SPATS2: variants seen among roughly 807,000 people sequenced by gnomAD.
The protein encoded by SPATS2 is spermatogenesis associated serine rich 2.
A neutral mutation model predicts 63.7 loss-of-function variants in SPATS2; 38 were observed. The ratio of observed to expected loss-of-function variants is 0.60; its 90% confidence interval spans 0.46 to 0.78. SPATS2 has a LOEUF of 0.78. Among genes scored for constraint, SPATS2 ranks in the 30% least tolerant of loss-of-function variants. The probability of loss-of-function intolerance (pLI) is 0.00; values close to 1 mark genes in which losing one functional copy is unlikely to be tolerated. For missense variants in SPATS2, 588 were observed against 666.2 expected (o/e 0.88, Z 1.29); for synonymous variants, 207 against 232.9 (o/e 0.89, Z 1.01).
chr12:49,367,848 A>G (rs1352267058), intron 1 of SPATS2, among the ~76,000 whole-genome samples: 1 of 148,858 alleles, frequency 6.7e-6, no homozygotes, highest in East Asian at 2.0e-4. Context: ...TGTGGGGGGG[A>G]CTCTGGCGTG....
intron 2 of SPATS2, among the ~76,000 whole-genome samples, chr12:49,394,766 A>C (rs1406041558): frequency 6.6e-6 from 1 of 152,148 alleles, no homozygotes; most frequent in Admixed American, 6.5e-5. Flanking sequence ...TGATCATGTC[A>C]TCTATGAATA....
intron 10 of SPATS2, among the ~76,000 whole-genome samples, chr12:49,518,591 C>T: frequency 6.6e-6 from 1 of 152,044 alleles, no homozygotes; most frequent in Non-Finnish European, 1.5e-5. Context: ...TGATATACTT[C>T]CATTTGTGAG....
chr12:49,381,909 A>G (rs983254599), intron 2 of SPATS2, among the ~76,000 whole-genome samples: 13 of 152,216 alleles, frequency 8.5e-5, no homozygotes, highest in African/African-American at 3.1e-4. Flanking sequence ...GTTTCATTAT[A>G]TCGTGATTTG....
At chr12:49,516,766 A>G (rs965147691) in intron 10 of SPATS2, among the ~76,000 whole-genome samples, 1 of 152,132 alleles carries the variant, frequency 6.6e-6, no homozygotes, top group Admixed American at 6.6e-5. Flanking sequence ...AATGTAACAA[A>G]TTCCCATCAC....
intron 4 of SPATS2, 100 bp downstream of exon 4, chr12:49,484,769 T>G (rs1234364309): frequency 9.8e-7 from 1 of 1,019,406 alleles, no homozygotes. Flanking sequence ...AGACTGAAAT[T>G]TTAAGAATAA....
At chr12:49,498,958 G>C (rs1157149825) in intron 8 of SPATS2, among the ~76,000 whole-genome samples, 1 of 151,900 alleles carries the variant, frequency 6.6e-6, no homozygotes, top group African/African-American at 2.4e-5. Flanking sequence ...AGCTAATTTT[G>C]TATTTTTAGT....
At chr12:49,425,068 T>C (rs1945049959) in intron 2 of SPATS2, among the ~76,000 whole-genome samples, 2 of 152,218 alleles carry the variant, frequency 1.3e-5, no homozygotes, top group Admixed American at 6.5e-5. Context: ...TTAGAATTCT[T>C]CATATTTTTG....
chr12:49,436,416 C>G lies in SPATS2; in HGVS notation c.-243-24354C>G, dbSNP rs1250914158. On this transcript the variant is annotated intron_variant, in intron 2 of 13. Transcript: ENST00000552918. ...GTTGGGGGCTGACCCCCCCACCTCC[C>G]TCCCGGAGGGGGCGGCTGGCCGGGC... Among the ~76,000 whole-genome samples, 3 of 141,748 alleles carry G rather than the reference C, an allele frequency of 2.1e-5. No individual in the cohort carries two copies. In the East Asian group the frequency reaches 6.4e-4, roughly 30 times the overall value. The allele number at this position is 141,748 out of a possible 152,430, so 93.0% of individuals were successfully genotyped here.
chr12:49,437,567 C>T (rs1945336091), intron 2 of SPATS2, among the ~76,000 whole-genome samples: 1 of 152,218 alleles, frequency 6.6e-6, no homozygotes, highest in African/African-American at 2.4e-5. Flanking sequence ...GCGACTCCGT[C>T]TGCCATCCCG....
At chr12:49,370,483 C>T (rs777257831) in intron 1 of SPATS2, among the ~76,000 whole-genome samples, 35 of 152,202 alleles carry the variant, frequency 2.3e-4, no homozygotes, top group Non-Finnish European at 4.7e-4. Context: ...AATTCAGCTT[C>T]CTCAGTTGCT....
intron 2 of SPATS2, among the ~76,000 whole-genome samples, chr12:49,383,889 G>A (rs1944265784): frequency 6.6e-6 from 1 of 152,290 alleles, no homozygotes; most frequent in Middle Eastern, 3.4e-3. Context: ...GTGAAAGGTT[G>A]TGCTCTTCTA....
chr12:49,450,524 G>A (rs974888532), intron 2 of SPATS2, among the ~76,000 whole-genome samples: 4 of 151,948 alleles, frequency 2.6e-5, no homozygotes, highest in African/African-American at 9.7e-5. Flanking sequence ...GATTACAGGC[G>A]TGAGCCACCG....
chr12:49,438,187 C>G (rs183146552), intron 2 of SPATS2, among the ~76,000 whole-genome samples: 1 of 152,178 alleles, frequency 6.6e-6, no homozygotes, highest in Non-Finnish European at 1.5e-5. Flanking sequence ...TGTTCTTGTA[C>G]TTGATATAAA....
intron 10 of SPATS2, among the ~76,000 whole-genome samples, chr12:49,518,625 T>C (rs1241907015): frequency 1.3e-5 from 2 of 152,204 alleles, no homozygotes; most frequent in Non-Finnish European, 2.9e-5. Flanking sequence ...GAGCTACATA[T>C]GTATGCATGT....
intron 2 of SPATS2, among the ~76,000 whole-genome samples, chr12:49,383,484 T>A (rs1239711763): frequency 6.6e-6 from 1 of 152,160 alleles, no homozygotes; most frequent in Admixed American, 6.6e-5. Flanking sequence ...CATCTCATCT[T>A]ATTGCAACCT....
chr12:49,508,385 T>G (rs775463226), intron 9 of SPATS2, among the ~76,000 whole-genome samples: 6 of 152,164 alleles, frequency 3.9e-5, no homozygotes, highest in Non-Finnish European at 8.8e-5. Context: ...TTTTTGTATT[T>G]TTAGTAGAGA....
chr12:49,426,795 G>A (rs910475984), intron 2 of SPATS2, among the ~76,000 whole-genome samples: 5 of 152,068 alleles, frequency 3.3e-5, no homozygotes, highest in Non-Finnish European at 5.9e-5. Context: ...CTCCCGCCTC[G>A]GCCTCCCAAA....
chr12:49,411,580 T>C (rs931568995), intron 2 of SPATS2, among the ~76,000 whole-genome samples: 1 of 152,196 alleles, frequency 6.6e-6, no homozygotes, highest in African/African-American at 2.4e-5. Flanking sequence ...GCAGAATACA[T>C]ACTTTATTCT....
rs2138117212 is a variant in SPATS2, at chr12:49,527,169, GTGAGC to G, written c.*919_*923del. ...TTGAACCCAGGAGGCGGAGGCTGCA[GTGAGC>G]TGAGATTGTGCCACTGCACTCCAGC... is the stretch of plus-strand genomic sequence containing the variant. On this transcript the variant is annotated 3_prime_UTR_variant, in exon 14 of 14. Transcript: ENST00000552918. 6.6e-6 allele frequency: 1 copy of G among 150,986 alleles called. No homozygotes were observed. Among genetic ancestry groups the G allele is most frequent in the Non-Finnish European group, 1.5e-5 (1 of 67,934 alleles). The allele number at this position is 150,986 out of a possible 1,614,324, so 9.4% of individuals were successfully genotyped here. A position where few individuals can be genotyped will look rare whatever the true frequency, so the allele number is the denominator to read the frequency against.
Sources: allele counts gnomAD v4.1 joint callset (sites outside exome capture counted in the v4.1 genomes callset), GRCh38; gene constraint gnomAD v4.1.1; transcripts MANE v1.5; gene names NCBI Gene and HGNC (gene_info 2026-07-23, HGNC 2026-07-21).